BLTP1: variants seen among roughly 807,000 people sequenced by gnomAD.
The protein encoded by BLTP1 is bridge-like lipid transfer protein family member 1.
the BLTP1 span, chr4:122,352,836 C>T: frequency 6.4e-7 from 1 of 1,557,690 alleles, no homozygotes. Context: ...CACTTGCTGC[C>T]TCACTCTACC....
the BLTP1 span, chr4:122,246,652 T>A: frequency 1.9e-6 from 3 of 1,594,178 alleles, no homozygotes; most frequent in Non-Finnish European, 2.6e-6. Context: ...ATTTTTCACT[T>A]GTCAGTTCTG....
chr4:122,240,368 A>T, the BLTP1 span: 1 of 1,586,208 alleles, frequency 6.3e-7, no homozygotes, highest in Admixed American at 1.8e-5. Flanking sequence ...AAACCAAATC[A>T]TTAGTTTCCA....
At chr4:122,276,005 A>G in the BLTP1 span, 1 of 1,583,976 alleles carries the variant, frequency 6.3e-7, no homozygotes, top group Non-Finnish European at 8.6e-7. Context: ...CTACAAGTAC[A>G]GCCAAACAAG....
At chr4:122,179,353 T>A in the BLTP1 span, among the ~76,000 whole-genome samples, 1 of 152,288 alleles carries the variant, frequency 6.6e-6, no homozygotes, top group Non-Finnish European at 1.5e-5. Context: ...TCAGTTCACA[T>A]CCCACCTTTA....
the BLTP1 span, among the ~76,000 whole-genome samples, chr4:122,264,633 A>G: frequency 6.6e-6 from 1 of 152,228 alleles, no homozygotes; most frequent in African/African-American, 2.4e-5. Context: ...TGTAATCATT[A>G]AATAGAAGAG....
At chr4:122,358,686 G>A in the BLTP1 span, among the ~76,000 whole-genome samples, 11 of 152,006 alleles carry the variant, frequency 7.2e-5, no homozygotes, top group Non-Finnish European at 1.5e-4. Context: ...TTAATTTTGA[G>A]GCTCATTCCC....
chr4:122,337,270 T>G, the BLTP1 span: 16 of 441,692 alleles, frequency 3.6e-5, 1 homozygote, highest in Non-Finnish European at 4.0e-6. Flanking sequence ...CGTAAGTCAG[T>G]AATGCATTTA....
the BLTP1 span, chr4:122,272,039 GATTAGGAGAAAGAGGACTGGTTGGGA>G: frequency 8.1e-7 from 1 of 1,232,794 alleles, no homozygotes; most frequent in Non-Finnish European, 1.1e-6. Context: ...TTTTGTTGGG[GATTAGGAGAAAGAGGACTGGTTGGGA>G]ATGTGAAGGA....
At chr4:122,191,880 T>C in the BLTP1 span, among the ~76,000 whole-genome samples, 2 of 152,140 alleles carry the variant, frequency 1.3e-5, no homozygotes, top group Non-Finnish European at 2.9e-5. Context: ...AAACCTCTTA[T>C]ACTTATCACT....
At chr4:122,162,694 A>C in the BLTP1 span, 1 of 979,944 alleles carries the variant, frequency 1.0e-6, no homozygotes. Context: ...ATAGAAGAGG[A>C]AAAGGGACAG....
At chr4:122,268,775 A>G in the BLTP1 span, among the ~76,000 whole-genome samples, 5 of 152,186 alleles carry the variant, frequency 3.3e-5, no homozygotes, top group Non-Finnish European at 5.9e-5. Flanking sequence ...GAGGCAACAC[A>G]AGTAACTACA....
the BLTP1 span, chr4:122,298,304 GC>G: frequency 4.5e-6 from 3 of 671,124 alleles, no homozygotes; most frequent in Non-Finnish European, 5.5e-6. Context: ...CCTGCACCAT[GC>G]TCTTGCCTAT....
At chr4:122,312,600 G>A in the BLTP1 span, 1 of 151,028 alleles carries the variant, frequency 6.6e-6, no homozygotes, top group African/African-American at 2.4e-5. Flanking sequence ...ATTAGAATTT[G>A]TATGTGAGAC....
the BLTP1 span, chr4:122,242,928 A>G: frequency 2.2e-6 from 2 of 917,888 alleles, no homozygotes; most frequent in Admixed American, 1.9e-5. Flanking sequence ...AGGTATTTAC[A>G]TATATCAGTT....
the BLTP1 span, chr4:122,356,528 C>A: frequency 7.7e-7 from 1 of 1,291,108 alleles, no homozygotes; most frequent in East Asian, 2.3e-5. Flanking sequence ...TTTACAGTTG[C>A]ATTTCATGTG....
chr4:122,175,920 T>A, the BLTP1 span: 1 of 1,302,992 alleles, frequency 7.7e-7, no homozygotes, highest in Non-Finnish European at 1.1e-6. Flanking sequence ...ACATGGTGAG[T>A]TTTCATTTTT....
the BLTP1 span, among the ~76,000 whole-genome samples, chr4:122,266,147 T>A: frequency 6.6e-6 from 1 of 152,184 alleles, no homozygotes. Flanking sequence ...CAGAGTGATT[T>A]TAGTGCTCTA....
At chr4:122,199,343 A>G in the BLTP1 span, 4 of 1,608,884 alleles carry the variant, frequency 2.5e-6, no homozygotes, top group East Asian at 4.5e-5. Context: ...CTTAGTTTTT[A>G]TGTTTTTATT....
the BLTP1 span, chr4:122,224,193 C>A: frequency 1.7e-6 from 1 of 595,262 alleles, no homozygotes; most frequent in Non-Finnish European, 2.1e-6. Flanking sequence ...TATTCCCTGT[C>A]AAAGTACTAC....
Sources: allele counts gnomAD v4.1 joint callset (sites outside exome capture counted in the v4.1 genomes callset), GRCh38; gene constraint gnomAD v4.1.1; transcripts MANE v1.5; gene names NCBI Gene and HGNC (gene_info 2026-07-23, HGNC 2026-07-21).